Variants in MAST2 observed in about 807,000 individuals in gnomAD.
MAST2 encodes the protein microtubule associated serine/threonine kinase 2, also known as microtubule-associated serine/threonine-protein kinase 2.
MAST2 carries 70 observed loss-of-function variants against 147.4 expected under a neutral mutation model. That is an observed-to-expected ratio of 0.47 (90% CI 0.39 to 0.58). The LOEUF (loss-of-function observed/expected upper bound fraction) is 0.58, where lower values mean the gene tolerates loss of function less well. MAST2 is among the 20% of genes least tolerant of loss of function. MAST2 has a pLI of 0.00. For missense variants in MAST2, 2,080 were observed against 2,302.3 expected, an observed-to-expected ratio of 0.90 and a Z score of 1.98; for synonymous variants, 869 against 896.8, an observed-to-expected ratio of 0.97 and a Z score of 0.55.
intron 4 of MAST2, among the ~76,000 whole-genome samples, chr1:45,942,747 C>G (rs1657485892): frequency 6.6e-6 from 1 of 152,168 alleles, no homozygotes; most frequent in African/African-American, 2.4e-5. Context: ...ACTGCTGTCT[C>G]TAGTGATAAG....
At chr1:45,994,476 G>T (rs1644976826) in intron 5 of MAST2, among the ~76,000 whole-genome samples, 1 of 151,788 alleles carries the variant, frequency 6.6e-6, no homozygotes, top group African/African-American at 2.4e-5. Flanking sequence ...TAGTAGAGAC[G>T]GGATTTTGCC....
chr1:45,930,377 C>A (rs1655080473), intron 4 of MAST2, among the ~76,000 whole-genome samples: 1 of 96,916 alleles, frequency 1.0e-5, no homozygotes, highest in Non-Finnish European at 2.4e-5. Context: ...CCGCGCCTGG[C>A]CTGTTTTTTG....
chr1:45,932,233 T>C (rs537624657), intron 4 of MAST2, among the ~76,000 whole-genome samples: 1 of 152,348 alleles, frequency 6.6e-6, no homozygotes, highest in African/African-American at 2.4e-5. Context: ...GATCCATTGA[T>C]GTTCCTGGTT....
At chr1:46,016,503 G>A (rs1257841729) in intron 10 of MAST2, among the ~76,000 whole-genome samples, 1 of 152,008 alleles carries the variant, frequency 6.6e-6, no homozygotes, top group Non-Finnish European at 1.5e-5. Flanking sequence ...CAAAATCAAT[G>A]TACAAAAATC....
chr1:45,912,333 G>T (rs1239368369), intron 4 of MAST2, among the ~76,000 whole-genome samples: 2 of 152,124 alleles, frequency 1.3e-5, no homozygotes, highest in Non-Finnish European at 2.9e-5. Flanking sequence ...TTGTATATTT[G>T]TATGTATTTC....
chr1:45,910,788 A>T (rs1256254235), intron 4 of MAST2, among the ~76,000 whole-genome samples: 1 of 152,226 alleles, frequency 6.6e-6, no homozygotes, highest in Non-Finnish European at 1.5e-5. Context: ...GTGCTCCTCA[A>T]ATATTTCATA....
intron 3 of MAST2, among the ~76,000 whole-genome samples, chr1:45,830,181 C>CTT (rs11407885): frequency 0.015 from 1,673 of 108,206 alleles, 76 homozygotes; most frequent in East Asian, 0.036. Context: ...TTAATTGAAT[C>CTT]TTTTTTTTTT....
intron 1 of MAST2, among the ~76,000 whole-genome samples, chr1:45,810,239 CAGA>C (rs888675557): frequency 6.6e-5 from 10 of 152,238 alleles, no homozygotes; most frequent in African/African-American, 1.7e-4. Context: ...TTGAGGATGG[CAGA>C]AGATGAGTTC....
At chr1:46,026,041 T>A (rs1275967688) in intron 16 of MAST2, among the ~76,000 whole-genome samples, 1 of 151,716 alleles carries the variant, frequency 6.6e-6, no homozygotes, top group East Asian at 1.9e-4. Flanking sequence ...CATGGAAGAG[T>A]CATTGAGGAG....
chr1:45,890,102 T>G (rs1307520400), intron 4 of MAST2, among the ~76,000 whole-genome samples: 1 of 152,174 alleles, frequency 6.6e-6, no homozygotes, highest in Admixed American at 6.5e-5. Context: ...AAGTCCCAGC[T>G]TACACCTCAC....
chr1:45,890,785 A>G (rs757566441), intron 4 of MAST2, among the ~76,000 whole-genome samples: 10 of 152,212 alleles, frequency 6.6e-5, no homozygotes, highest in Non-Finnish European at 1.2e-4. Flanking sequence ...CAAATTGGCA[A>G]TCATTTGAAC....
intron 10 of MAST2, among the ~76,000 whole-genome samples, chr1:46,013,638 C>G (rs1645808606): frequency 6.6e-6 from 1 of 151,670 alleles, no homozygotes; most frequent in Admixed American, 6.6e-5. Context: ...CAAGATCATG[C>G]CATTGTACTC....
At position 45,975,493 on chromosome 1, in the gene MAST2, TCCAAA is replaced by T. The variant is rs1333869949; in HGVS notation, c.592+16017_592+16021del. 3.1e-4 allele frequency among the ~76,000 whole-genome samples: 18 copies of T among 57,568 alleles called. 2 individuals are homozygous for T. The highest frequency in any genetic ancestry group is 5.6e-4 in the East Asian group (1 of 1,770). The allele number at this position is 57,568 out of a possible 152,430, so 37.8% of individuals were successfully genotyped here. The stretch of plus-strand genomic sequence containing the variant: ...AGGCAATATAGTGAGTCCCTGTCTC[TCCAAA>T]AAAAAAAAAAAAAAAAAAAAAAAGC... On this transcript the variant is annotated intron_variant, in intron 5 of 28. Transcript: ENST00000361297.
chr1:45,921,584 A>G (rs1166428356), intron 4 of MAST2, among the ~76,000 whole-genome samples: 1 of 152,172 alleles, frequency 6.6e-6, no homozygotes, highest in Non-Finnish European at 1.5e-5. Context: ...GCTAGCTCCA[A>G]GGGCTGGCAT....
At chr1:45,959,755 T>C (rs1017057431) in intron 5 of MAST2, among the ~76,000 whole-genome samples, 1 of 152,130 alleles carries the variant, frequency 6.6e-6, no homozygotes, top group Non-Finnish European at 1.5e-5. Context: ...TCTGTTCTAG[T>C]GTGTTCTAGT....
intron 5 of MAST2, among the ~76,000 whole-genome samples, chr1:45,996,803 T>C (rs1288576962): frequency 1.3e-5 from 2 of 152,002 alleles, no homozygotes; most frequent in African/African-American, 2.4e-5. Context: ...TTTTGGCAAC[T>C]TGGAACATCC....
chr1:45,860,383 CAAA>C (rs10540608), intron 3 of MAST2, among the ~76,000 whole-genome samples: 64,080 of 139,342 alleles, frequency 0.46, 14,286 homozygotes, highest in East Asian at 0.62. Flanking sequence ...GAATCTGTCT[CAAA>C]AAAAAAAAAA....
chr1:45,934,576 C>T (rs1446778717), intron 4 of MAST2, among the ~76,000 whole-genome samples: 4 of 152,188 alleles, frequency 2.6e-5, no homozygotes, highest in Non-Finnish European at 5.9e-5. Context: ...CAGGTGTGTG[C>T]CACCACACCC....
intron 3 of MAST2, among the ~76,000 whole-genome samples, chr1:45,840,622 T>C (rs1183846940): frequency 6.6e-6 from 1 of 152,210 alleles, no homozygotes; most frequent in Non-Finnish European, 1.5e-5. Flanking sequence ...TAGTGCCAGA[T>C]TTATAGTTAA....
Sources: gnomAD v4.1 joint callset for allele counts (sites outside exome capture counted in the v4.1 genomes callset) on GRCh38, gnomAD v4.1.1 for gene constraint, MANE v1.5 for transcripts, NCBI Gene and HGNC (gene_info 2026-07-23, HGNC 2026-07-21) for gene names.